The following AGPAT3 variants were observed in gnomAD, a reference collection of about 807,000 sequenced individuals.
AGPAT3 encodes the protein 1-acylglycerol-3-phosphate O-acyltransferase 3.
A neutral mutation model predicts 47.3 loss-of-function variants in AGPAT3; 5 were observed. That is an observed-to-expected ratio of 0.11 (90% CI 0.06 to 0.22). The LOEUF is 0.22. Among genes scored for constraint, AGPAT3 ranks in the 10% least tolerant of loss-of-function variants. AGPAT3 has a pLI of 1.00. For missense variants in AGPAT3, 315 were observed against 493.0 expected, an observed-to-expected ratio of 0.64 and a Z score of 3.42; for synonymous variants, 212 against 208.3, an observed-to-expected ratio of 1.02 and a Z score of -0.15.
At chr21:43,975,152 G>C (rs2089558365) in intron 7 of AGPAT3, among the ~76,000 whole-genome samples, 1 of 151,848 alleles carries the variant, frequency 6.6e-6, no homozygotes, top group Non-Finnish European at 1.5e-5. Context: ...ATGTGTCGAG[G>C]TGTGCTGGTG....
intron 1 of AGPAT3, among the ~76,000 whole-genome samples, chr21:43,879,556 C>T (rs559557442): frequency 1.1e-4 from 16 of 151,794 alleles, no homozygotes; most frequent in East Asian, 5.9e-4. Context: ...GAGGCTGGGT[C>T]GTGGGGGTGT....
chr21:43,935,229 C>A (rs1480343896), intron 2 of AGPAT3, among the ~76,000 whole-genome samples: 1 of 152,262 alleles, frequency 6.6e-6, no homozygotes, highest in Non-Finnish European at 1.5e-5. Context: ...ACACACTGGG[C>A]CGTGTGGTGG....
At chr21:43,901,260 C>T (rs1010486271) in intron 1 of AGPAT3, among the ~76,000 whole-genome samples, 2 of 149,428 alleles carry the variant, frequency 1.3e-5, no homozygotes, top group African/African-American at 4.9e-5. Flanking sequence ...GAGTTCGAGG[C>T]TGCAGTGAGC....
At chr21:43,898,864 A>G (rs191490451) in intron 1 of AGPAT3, among the ~76,000 whole-genome samples, 4 of 151,102 alleles carry the variant, frequency 2.6e-5, no homozygotes, top group African/African-American at 7.2e-5. Context: ...GAATATCACA[A>G]GACATTGCTG....
intron 2 of AGPAT3, among the ~76,000 whole-genome samples, chr21:43,914,455 T>C (rs1268695166): frequency 1.3e-5 from 2 of 152,180 alleles, no homozygotes; most frequent in African/African-American, 4.8e-5. Flanking sequence ...GAGGTAAATT[T>C]TAAAAAACTG....
In AGPAT3 at chr21:43,907,573, T is replaced by C. The variant is rs1257207705; in HGVS notation, c.-49+3554T>C. 4.6e-5 allele frequency among the ~76,000 whole-genome samples: 7 copies of C among 151,952 alleles called. No individual in the cohort carries two copies. The East Asian group carries it at 1.4e-3, about 29-fold the overall frequency. ...TCTACTAAAAATACAAAAAATTAGCTGGGCGTGGTGGCGGGCACTTGTAGT... is the reference window on the plus strand; with the variant it reads ...TCTACTAAAAATACAAAAAATTAGCCGGGCGTGGTGGCGGGCACTTGTAGT... On this transcript the variant is annotated intron_variant, in intron 2 of 9. Transcript: ENST00000291572.
At chr21:43,901,676 A>C (rs1230673930) in intron 1 of AGPAT3, among the ~76,000 whole-genome samples, 1 of 152,010 alleles carries the variant, frequency 6.6e-6, no homozygotes, top group Non-Finnish European at 1.5e-5. Flanking sequence ...TAGGAGGCTG[A>C]GGTAGGAGGA....
chr21:43,902,118 C>T (rs1466770761), intron 1 of AGPAT3, among the ~76,000 whole-genome samples: 2 of 152,178 alleles, frequency 1.3e-5, no homozygotes. Flanking sequence ...TACACACCAT[C>T]ATCCAATTGC....
chr21:43,901,102 G>A (rs2086339083), intron 1 of AGPAT3, among the ~76,000 whole-genome samples: 1 of 152,070 alleles, frequency 6.6e-6, no homozygotes. Context: ...AGGAGTTCAA[G>A]ACCCTCTGGG....
At chr21:43,900,092 A>C (rs1379713003) in intron 1 of AGPAT3, among the ~76,000 whole-genome samples, 1 of 152,214 alleles carries the variant, frequency 6.6e-6, no homozygotes, top group Admixed American at 6.5e-5. Flanking sequence ...CTGGAGGTAG[A>C]AAGAAAAAGG....
intron 2 of AGPAT3, among the ~76,000 whole-genome samples, chr21:43,951,610 C>A (rs1280531211): frequency 6.6e-6 from 1 of 152,212 alleles, no homozygotes; most frequent in African/African-American, 2.4e-5. Flanking sequence ...AGGACGCCAG[C>A]TGGGGTGGGC....
Position 43,909,232 on chromosome 21 carries a change from A to G in AGPAT3, c.-49+5213A>G, listed in dbSNP as rs902324544. On this transcript the variant is annotated intron_variant, in intron 2 of 9. Transcript: ENST00000291572. ...TCGGAAGCTACAGGCCCCTCGGTCC[A>G]TGGCCCCTTCACGGCAGGCAGTGGA... Among the ~76,000 whole-genome samples the G allele has an allele frequency of 5.9e-5, 9 of 151,526 alleles. No homozygotes were observed. In the East Asian group the frequency reaches 1.7e-3, roughly 29 times the overall value.
intron 7 of AGPAT3, among the ~76,000 whole-genome samples, chr21:43,977,544 A>G (rs763089482): frequency 1.1e-4 from 16 of 152,210 alleles, no homozygotes; most frequent in Non-Finnish European, 1.9e-4. Context: ...CTCAGGGCGG[A>G]TGCCTGAGGA....
chr21:43,965,718 C>G (rs1338965394), intron 3 of AGPAT3: 1 of 152,138 alleles, frequency 6.6e-6, no homozygotes, highest in Non-Finnish European at 1.5e-5. Flanking sequence ...TCAAGTGATT[C>G]TCGTGCCCCA....
intron 7 of AGPAT3, among the ~76,000 whole-genome samples, chr21:43,975,821 G>A (rs945646094): frequency 6.6e-6 from 1 of 152,152 alleles, no homozygotes; most frequent in African/African-American, 2.4e-5. Flanking sequence ...GACAGTGCTC[G>A]GGGCAGCCCA....
intron 2 of AGPAT3, among the ~76,000 whole-genome samples, chr21:43,958,149 G>T (rs540925652): frequency 2.6e-5 from 4 of 152,298 alleles, no homozygotes; most frequent in Non-Finnish European, 1.5e-5. Context: ...AAATTATGAT[G>T]CCTTCACCAC....
intron 1 of AGPAT3, among the ~76,000 whole-genome samples, chr21:43,876,979 C>T (rs2085747410): frequency 1.3e-5 from 2 of 152,074 alleles, no homozygotes. Context: ...GTGCCTCAGT[C>T]TCCTGAGTAG....
intron 1 of AGPAT3, among the ~76,000 whole-genome samples, chr21:43,876,541 C>T (rs1036576745): frequency 1.3e-5 from 2 of 152,192 alleles, no homozygotes; most frequent in Non-Finnish European, 2.9e-5. Flanking sequence ...AAGGGGATGT[C>T]TAAAGACATA....
In AGPAT3 at chr21:43,933,045, C is replaced by T. The variant is rs142525604; in HGVS notation, c.-48-26589C>T. Among the ~76,000 whole-genome samples, 8 of 152,350 alleles carry T rather than the reference C, an allele frequency of 5.3e-5. No individual in the cohort carries two copies. The South Asian group carries it at 1.4e-3, about 28-fold the overall frequency. On this transcript the variant is annotated intron_variant, in intron 2 of 9. Coordinates refer to ENST00000291572, the MANE Select transcript of AGPAT3 (RefSeq NM_020132.5). The surrounding 1 kb of genome is among the most constrained non-coding windows in gnomAD (Gnocchi z 6.0). ...TCTCTCCCTCACAGCGTGCCAGGTG[C>T]CTTTTCTCTGCGTTCTCGTCAACAC...
Sources: allele counts gnomAD v4.1 joint callset (sites outside exome capture counted in the v4.1 genomes callset), GRCh38; gene constraint gnomAD v4.1.1; non-coding constraint Gnocchi (gnomAD v3.1); transcripts MANE v1.5; gene names NCBI Gene and HGNC (gene_info 2026-07-23, HGNC 2026-07-21).